Variants in SETBP1 observed in about 807,000 individuals in gnomAD.
SETBP1 encodes the protein SET binding protein 1, also known as SET-binding protein.
SETBP1 carries 9 observed loss-of-function variants against 101.0 expected under a neutral mutation model. That is an observed-to-expected ratio of 0.09 (90% CI 0.05 to 0.16). The LOEUF (loss-of-function observed/expected upper bound fraction) is 0.16, where lower values mean the gene tolerates loss of function less well. Among genes scored for constraint, SETBP1 ranks in the 10% least tolerant of loss-of-function variants. The probability of loss-of-function intolerance (pLI) is 1.00; values close to 1 mark genes in which losing one functional copy is unlikely to be tolerated. For missense variants in SETBP1, 1,858 were observed against 2,033.8 expected (o/e 0.91, Z 1.66); for synonymous variants, 818 against 788.5 (o/e 1.04, Z -0.63).
At chr18:44,734,584 A>G (rs1228213717) in intron 2 of SETBP1, among the ~76,000 whole-genome samples, 1 of 151,976 alleles carries the variant, frequency 6.6e-6, no homozygotes, top group Non-Finnish European at 1.5e-5. Flanking sequence ...CCACTTCCAT[A>G]CTTCTGTTTA....
chr18:44,941,825 T>C (rs1035098840), intron 3 of SETBP1, among the ~76,000 whole-genome samples: 6 of 152,104 alleles, frequency 3.9e-5, no homozygotes, highest in Non-Finnish European at 8.8e-5. Context: ...ATTATTTTAG[T>C]GTAGTCGTTG....
At chr18:44,791,370 A>G (rs1178483555) in intron 2 of SETBP1, among the ~76,000 whole-genome samples, 1 of 152,212 alleles carries the variant, frequency 6.6e-6, no homozygotes, top group African/African-American at 2.4e-5. Flanking sequence ...GACTTTTTGC[A>G]GGAAAATTCT....
At chr18:44,992,123 A>G (rs1180204201) in intron 4 of SETBP1, among the ~76,000 whole-genome samples, 1 of 152,180 alleles carries the variant, frequency 6.6e-6, no homozygotes, top group Non-Finnish European at 1.5e-5. Context: ...AGAGAAATTT[A>G]GAAGTTTAAA....
rs545271174 is a variant in SETBP1 at position 45,046,793 on chromosome 18, T to C, written c.4171+8138T>C. Among the ~76,000 whole-genome samples, 5 of 152,314 alleles carry C rather than the reference T, an allele frequency of 3.3e-5. No homozygotes were observed. The South Asian group carries it at 1.0e-3, about 32-fold the overall frequency. On this transcript the variant is annotated intron_variant, in intron 5 of 5. Transcript: ENST00000649279. ...ATTGGGCATCTCAATTCCCAAAACC[T>C]TGGGATGTATGGAATGAAAATAAGA...
At chr18:44,882,308 A>G (rs1276167230) in intron 3 of SETBP1, among the ~76,000 whole-genome samples, 1 of 152,094 alleles carries the variant, frequency 6.6e-6, no homozygotes, top group Admixed American at 6.5e-5. Context: ...TCAGTCCAGG[A>G]AGGTGCTAAT....
intron 4 of SETBP1, among the ~76,000 whole-genome samples, chr18:44,985,168 G>T (rs1242397777): frequency 6.6e-6 from 1 of 152,054 alleles, no homozygotes; most frequent in Non-Finnish European, 1.5e-5. Flanking sequence ...CACTGAATGA[G>T]GTGTAAGAGA....
At chr18:44,884,670 A>G (rs2069600722) in intron 3 of SETBP1, among the ~76,000 whole-genome samples, 1 of 152,330 alleles carries the variant, frequency 6.6e-6, no homozygotes, top group Admixed American at 6.5e-5. Context: ...AATAGTTTTG[A>G]TGATTGCCAA....
At chr18:45,052,546 T>C (rs1458872933) in intron 5 of SETBP1, among the ~76,000 whole-genome samples, 1 of 152,170 alleles carries the variant, frequency 6.6e-6, no homozygotes, top group Non-Finnish European at 1.5e-5. Flanking sequence ...AAGACTTTTT[T>C]CCCTATTCAA....
chr18:45,013,121 G>T (rs2072872851), intron 4 of SETBP1, among the ~76,000 whole-genome samples: 1 of 152,238 alleles, frequency 6.6e-6, no homozygotes, highest in South Asian at 2.1e-4. Context: ...GAGCCCCGTG[G>T]TGTCTGCACA....
At chr18:44,740,598 C>G (rs560169787) in intron 2 of SETBP1, among the ~76,000 whole-genome samples, 3 of 152,178 alleles carry the variant, frequency 2.0e-5, no homozygotes, top group African/African-American at 4.8e-5. Context: ...CAGTTCAACT[C>G]TCTGATCCTG....
In SETBP1 at chr18:44,950,027, A is replaced by G. The variant is rs1568233244; in HGVS notation, c.687A>G (p.Gly229=). Residue 229 remains glycine (G), a synonymous_variant, in exon 4 of 6, where the codon GGA becomes GGG. Transcript: ENST00000649279. ...ACTGGTCCACCAACTCTGACAGCGGACCCGTCACTCAGAATTGCTTCATCA... is the reference window on the plus strand; with the variant it reads ...ACTGGTCCACCAACTCTGACAGCGGGCCCGTCACTCAGAATTGCTTCATCA... ...HMDWSTNSDS[G]PVTQNCFISP... 3 of 1,614,032 alleles carry G rather than the reference A, an allele frequency of 1.9e-6. No homozygotes were observed. Among genetic ancestry groups the G allele is most frequent in the Non-Finnish European group, 1.7e-6 (2 of 1,180,022 alleles).
intron 3 of SETBP1, among the ~76,000 whole-genome samples, chr18:44,885,905 G>C (rs1278461582): frequency 7.0e-6 from 1 of 142,252 alleles, no homozygotes; most frequent in Non-Finnish European, 1.5e-5. Flanking sequence ...CTTCAATTCT[G>C]CTATTCCTTG....
chr18:44,771,359 A>G (rs1048074140), intron 2 of SETBP1, among the ~76,000 whole-genome samples: 2 of 146,442 alleles, frequency 1.4e-5, no homozygotes, highest in African/African-American at 5.0e-5. Context: ...AGGTGGTGTC[A>G]GGTCCCGTTA....
intron 1 of SETBP1, among the ~76,000 whole-genome samples, chr18:44,685,456 G>A (rs2068821116): frequency 6.6e-6 from 1 of 152,206 alleles, no homozygotes; most frequent in African/African-American, 2.4e-5. Flanking sequence ...AATGACACAA[G>A]TTGGTGGCCA....
chr18:44,757,674 G>A lies in SETBP1; in HGVS notation c.486+55842G>A, dbSNP rs1055860003. Reference sequence around the variant, plus strand: ...ATTTAATCTTCCTAACAAATCTGACGGAAATATTTAGCAGATAATGAAATT... The same window carrying A: ...ATTTAATCTTCCTAACAAATCTGACAGAAATATTTAGCAGATAATGAAATT... On this transcript the variant is annotated intron_variant, in intron 2 of 5. Coordinates refer to ENST00000649279, the MANE Select transcript of SETBP1 (RefSeq NM_015559.3). Among the ~76,000 whole-genome samples, 4 of 151,914 alleles carry A rather than the reference G, an allele frequency of 2.6e-5. 1 individual carries two copies. The highest frequency in any genetic ancestry group is 4.2e-4 in the South Asian group (2 of 4,802).
intron 2 of SETBP1, 34 bp from the exon 3 acceptor site, chr18:44,869,196 G>A (rs747669531): frequency 1.2e-6 from 2 of 1,606,016 alleles, no homozygotes; most frequent in South Asian, 2.2e-5. Context: ...AAACTGAAAA[G>A]TGTCACTGAG....
chr18:44,701,237 C>T lies in SETBP1; in HGVS notation c.-110C>T, dbSNP rs2069110073. ...TCCATCCCTGGGAATCTGACCCTAG[C>T]AACTGGACCACTTTGTTCTTGGAAT... On this transcript the variant is annotated 5_prime_UTR_variant, in exon 2 of 6. Transcript: ENST00000649279. The T allele has an allele frequency of 8.0e-7, 1 of 1,251,006 alleles. No individual in the cohort carries two copies. The highest frequency in any genetic ancestry group is 1.1e-6 in the Non-Finnish European group (1 of 923,444). The allele number at this position is 1,251,006 out of a possible 1,614,324, so 77.5% of individuals were successfully genotyped here.
At chr18:45,056,216 T>G (rs1316443301) in intron 5 of SETBP1, among the ~76,000 whole-genome samples, 54 of 152,344 alleles carry the variant, frequency 3.5e-4, no homozygotes, top group Admixed American at 3.5e-3. Context: ...ATGGGTCTTC[T>G]TCATCTCATT....
chr18:44,865,671 G>A (rs1018477335), intron 2 of SETBP1, among the ~76,000 whole-genome samples: 4 of 152,188 alleles, frequency 2.6e-5, no homozygotes, highest in African/African-American at 7.2e-5. Context: ...CAGGGTTTAT[G>A]TTTGGCCCAA....
Sources: allele counts gnomAD v4.1 joint callset (sites outside exome capture counted in the v4.1 genomes callset), GRCh38; gene constraint gnomAD v4.1.1; transcripts MANE v1.5; gene names NCBI Gene and HGNC (gene_info 2026-07-23, HGNC 2026-07-21).